The following EYS variants were observed in gnomAD, a reference collection of about 807,000 sequenced individuals.
The protein encoded by EYS is protein eyes shut homolog.
In EYS, 250 loss-of-function variants were observed where a neutral mutation model predicts 282.1. That is an observed-to-expected ratio of 0.89 (90% confidence interval 0.80 to 0.98). The LOEUF is 0.98. Ranked by LOEUF, EYS falls within the 50% of genes least tolerant of loss-of-function variation. The pLI, the probability that EYS is intolerant of heterozygous loss-of-function variation, is 0.00. For synonymous variants in EYS, 1,355 were observed against 1,282.9 expected (o/e 1.06, Z -1.20); for missense variants, 4,016 against 3,709.0 (o/e 1.08, Z -2.15).
At chr6:65,538,585 A>G (rs16896810) in intron 2 of EYS, among the ~76,000 whole-genome samples, 16,165 of 152,188 alleles carry the variant, frequency 0.11, 1,248 homozygotes, top group African/African-American at 0.2. Flanking sequence ...AAAAGTAGGT[A>G]ATTAAGCAGA....
chr6:63,799,054 AC>A (rs1770721123), intron 37 of EYS, among the ~76,000 whole-genome samples: 1 of 135,440 alleles, frequency 7.4e-6, no homozygotes, highest in African/African-American at 2.8e-5. Context: ...CACTCTTGTC[AC>A]CCAGCTGGAG....
chr6:64,146,305 A>G (rs1774516336), intron 31 of EYS, among the ~76,000 whole-genome samples: 1 of 152,234 alleles, frequency 6.6e-6, no homozygotes. Flanking sequence ...ATGTCAAAAC[A>G]TGAATGTGTC....
chr6:64,171,620 T>C (rs9344822), intron 31 of EYS, among the ~76,000 whole-genome samples: 42,106 of 150,556 alleles, frequency 0.28, 6,045 homozygotes, highest in East Asian at 0.45. Context: ...TTAATGATTA[T>C]TGATATAACA....
At chr6:64,811,547 T>A (rs1294883092) in intron 22 of EYS, among the ~76,000 whole-genome samples, 1 of 152,110 alleles carries the variant, frequency 6.6e-6, no homozygotes, top group East Asian at 1.9e-4. Flanking sequence ...AGTGCAGCAA[T>A]GTTGGGAGGT....
chr6:63,977,021 T>C (rs1766867890), intron 35 of EYS, among the ~76,000 whole-genome samples: 1 of 151,882 alleles, frequency 6.6e-6, no homozygotes, highest in South Asian at 2.1e-4. Context: ...TTTGTTTTTT[T>C]TCAGGAGACC....
chr6:64,394,875 C>A (rs1311390967), intron 28 of EYS, among the ~76,000 whole-genome samples: 1 of 152,108 alleles, frequency 6.6e-6, no homozygotes, highest in Non-Finnish European at 1.5e-5. Context: ...TTTTTGCAAC[C>A]TACTCATCTG....
intron 29 of EYS, among the ~76,000 whole-genome samples, chr6:64,328,936 C>T (rs932935510): frequency 2.6e-5 from 4 of 152,064 alleles, no homozygotes; most frequent in African/African-American, 9.7e-5. Flanking sequence ...AATGAATGCC[C>T]ACAAAGAGAA....
At chr6:64,268,348 G>C (rs1275481653) in intron 30 of EYS, among the ~76,000 whole-genome samples, 2 of 152,070 alleles carry the variant, frequency 1.3e-5, no homozygotes, top group Non-Finnish European at 2.9e-5. Context: ...ATTAGGAAGG[G>C]TATATAAGAA....
chr6:65,674,450 C>CA (rs56958605), intron 1 of EYS, among the ~76,000 whole-genome samples: 12,425 of 34,792 alleles, frequency 0.36, 4,705 homozygotes, highest in Non-Finnish European at 0.51. Flanking sequence ...GACTCCGTCT[C>CA]AAAAAAAAAA....
intron 26 of EYS, among the ~76,000 whole-genome samples, chr6:64,494,477 A>G (rs1364274149): frequency 6.6e-6 from 1 of 151,336 alleles, no homozygotes; most frequent in Non-Finnish European, 1.5e-5. Flanking sequence ...ACTATTCTTT[A>G]TTTCTGCCAT....
intron 5 of EYS, among the ~76,000 whole-genome samples, chr6:65,468,518 GTTAT>G (rs1024011541): frequency 3.9e-5 from 6 of 152,066 alleles, no homozygotes; most frequent in African/African-American, 1.4e-4. Flanking sequence ...TAGTTAGTTA[GTTAT>G]TTAGTTATTT....
intron 14 of EYS, among the ~76,000 whole-genome samples, chr6:64,974,857 T>C (rs1770423714): frequency 6.6e-6 from 1 of 151,786 alleles, no homozygotes; most frequent in Non-Finnish European, 1.5e-5. Flanking sequence ...GTAATGACAG[T>C]TTTATGGGTA....
chr6:64,412,725 A>T lies in EYS; in HGVS notation c.5927+23449T>A, dbSNP rs562038779. The T allele has an allele frequency of 2.0e-5, 3 of 152,286 alleles. No homozygotes were observed. The South Asian group carries it at 6.2e-4, about 32-fold the overall frequency. 9.4% of individuals were successfully genotyped at this position (152,286 alleles called of 1,614,324 possible). A position where few individuals can be genotyped will look rare whatever the true frequency, so the allele number is the denominator to read the frequency against. On this transcript the variant is annotated intron_variant, in intron 28 of 42. Transcript: ENST00000503581. ...CTATATCACAAATGGATATTATCGC[A>T]AAAGTTAATTGTATTACTAGTTCTG...
chr6:65,152,948 C>T (rs1011961595), intron 12 of EYS, among the ~76,000 whole-genome samples: 4 of 149,956 alleles, frequency 2.7e-5, no homozygotes, highest in African/African-American at 7.4e-5. Flanking sequence ...GCCAATAATA[C>T]ACAAGAGCAC....
chr6:65,212,438 G>A (rs1766198756), intron 12 of EYS, among the ~76,000 whole-genome samples: 1 of 152,032 alleles, frequency 6.6e-6, no homozygotes, highest in Non-Finnish European at 1.5e-5. Flanking sequence ...AAGAAAGCTT[G>A]ATACTTTTTG....
chr6:64,859,478 C>A (rs1411677293), intron 19 of EYS, among the ~76,000 whole-genome samples: 5 of 151,994 alleles, frequency 3.3e-5, no homozygotes, highest in Non-Finnish European at 7.4e-5. Context: ...TATGGTTTGG[C>A]TGAGTCTCTA....
intron 11 of EYS, among the ~76,000 whole-genome samples, chr6:65,321,951 C>A (rs57523248): frequency 0.26 from 39,276 of 152,022 alleles, 5,425 homozygotes; most frequent in African/African-American, 0.34. Context: ...TCTGAATCTC[C>A]TTTTCCTTAT....
At chr6:64,707,942 C>T (rs1771087726) in intron 22 of EYS, among the ~76,000 whole-genome samples, 1 of 151,766 alleles carries the variant, frequency 6.6e-6, no homozygotes, top group South Asian at 2.1e-4. Context: ...TGAAGTGATA[C>T]AGAATATAAA....
At chr6:65,134,480 G>A (rs931393799) in intron 12 of EYS, among the ~76,000 whole-genome samples, 2 of 152,180 alleles carry the variant, frequency 1.3e-5, no homozygotes, top group East Asian at 1.9e-4. Context: ...ATCATCCTTA[G>A]CAAACTAGCG....
Sources: gnomAD v4.1 joint callset for allele counts (sites outside exome capture counted in the v4.1 genomes callset) on GRCh38, gnomAD v4.1.1 for gene constraint, MANE v1.5 for transcripts, NCBI Gene and HGNC (gene_info 2026-07-23, HGNC 2026-07-21) for gene names.